Variants in LRP5 observed in about 807,000 individuals in gnomAD.
LRP5 encodes the protein LDL receptor related protein 5.
Under a neutral mutation model 154.1 loss-of-function variants are expected in LRP5, and 62 were observed. The ratio of observed to expected loss-of-function variants is 0.40; its 90% confidence interval spans 0.33 to 0.50. The LOEUF is 0.50. LRP5 is among the 20% of genes least tolerant of loss of function. The pLI, the probability that LRP5 is intolerant of heterozygous loss-of-function variation, is 0.55. For synonymous variants in LRP5, 966 were observed against 1,011.5 expected (o/e 0.96, Z 0.85); for missense variants, 1,915 against 2,336.7 (o/e 0.82, Z 3.72).
At chr11:68,420,946 G>A (rs1325362914) in intron 13 of LRP5, among the ~76,000 whole-genome samples, 1 of 152,176 alleles carries the variant, frequency 6.6e-6, no homozygotes. Context: ...AAGCTCAGGG[G>A]CCGGGCGCGG....
chr11:68,368,746 G>A (rs750090089), intron 5 of LRP5, among the ~76,000 whole-genome samples: 2 of 152,092 alleles, frequency 1.3e-5, no homozygotes, highest in African/African-American at 2.4e-5. Context: ...TGATCGAACC[G>A]TAAGGCTTCC....
intron 7 of LRP5, among the ~76,000 whole-genome samples, chr11:68,399,499 A>G (rs1343169310): frequency 2.0e-5 from 3 of 152,112 alleles, no homozygotes. Flanking sequence ...TCTATCCTTT[A>G]CAAAAAAGTT....
intron 21 of LRP5, chr11:68,445,620 C>T (rs749506407): frequency 6.8e-6 from 9 of 1,318,224 alleles, no homozygotes; most frequent in Non-Finnish European, 9.0e-6. Context: ...TGGAGACCCA[C>T]ATAAGCCCTA....
intron 6 of LRP5, among the ~76,000 whole-genome samples, chr11:68,387,638 C>G (rs2098643776): frequency 6.6e-6 from 1 of 152,214 alleles, no homozygotes; most frequent in Non-Finnish European, 1.5e-5. Flanking sequence ...GTAGGGGAGA[C>G]TTTCTGAGAC....
At chr11:68,348,280 C>CG in intron 2 of LRP5, 37 bp downstream of exon 2, 1 of 1,599,080 alleles carries the variant, frequency 6.3e-7, no homozygotes, top group Non-Finnish European at 8.5e-7. Context: ...GTCCAGGGGG[C>CG]GGGGAGTGTC....
At chr11:68,365,521 G>C (rs770189454) in intron 4 of LRP5, 50 bp from the exon 5 acceptor site, 1 of 1,612,730 alleles carries the variant, frequency 6.2e-7, no homozygotes, top group Admixed American at 1.7e-5. Context: ...TCAGAAACAA[G>C]TGACGGTCCT....
intron 7 of LRP5, among the ~76,000 whole-genome samples, chr11:68,395,295 C>T (rs1211752395): frequency 8.4e-6 from 1 of 119,740 alleles, no homozygotes; most frequent in African/African-American, 3.4e-5. Context: ...AGTGAGACTC[C>T]ATCTCAAAAA....
intron 8 of LRP5, chr11:68,404,455 A>G (rs1468079676): frequency 2.0e-6 from 1 of 496,316 alleles, no homozygotes; most frequent in East Asian, 4.7e-5. Flanking sequence ...CGTCGGGTGG[A>G]TGTGATGTCA....
chr11:68,319,480 G>A (rs1012001190), intron 1 of LRP5, among the ~76,000 whole-genome samples: 33 of 152,264 alleles, frequency 2.2e-4, no homozygotes, highest in African/African-American at 7.2e-4. Context: ...CTCCCAAAGT[G>A]TTGGGATTAC....
At chr11:68,313,693 G>A (rs966559192) in intron 1 of LRP5, among the ~76,000 whole-genome samples, 2 of 152,278 alleles carry the variant, frequency 1.3e-5, no homozygotes, top group Admixed American at 6.5e-5. Flanking sequence ...CTCTTCGGAT[G>A]TGCGTGTTTT....
At chr11:68,306,087 C>T in the LRP5 span, among the ~76,000 whole-genome samples, 1 of 152,178 alleles carries the variant, frequency 6.6e-6, no homozygotes, top group Non-Finnish European at 1.5e-5. Context: ...CTCATCTTCA[C>T]ATGGCCTTTT....
At chr11:68,380,010 G>A (rs2098639422) in intron 5 of LRP5, among the ~76,000 whole-genome samples, 1 of 152,208 alleles carries the variant, frequency 6.6e-6, no homozygotes, top group African/African-American at 2.4e-5. Context: ...GCGGGCACCT[G>A]TAATCCCAGC....
At chr11:68,414,159 C>T (rs2098661226) in intron 12 of LRP5, 147 bp downstream of exon 12, 9 of 792,858 alleles carry the variant, frequency 1.1e-5, no homozygotes, top group Non-Finnish European at 1.9e-5. Flanking sequence ...CTGCATGATG[C>T]TACCTGGGGG....
At chr11:68,393,853 A>G (rs2098647755) in intron 7 of LRP5, among the ~76,000 whole-genome samples, 1 of 152,190 alleles carries the variant, frequency 6.6e-6, no homozygotes, top group Non-Finnish European at 1.5e-5. Flanking sequence ...TGGGTGTCCC[A>G]TGTGGCTTTG....
chr11:68,443,577 ATATATATATTT>A (rs1393121835), intron 21 of LRP5, among the ~76,000 whole-genome samples: 106 of 42,016 alleles, frequency 2.5e-3, no homozygotes, highest in Admixed American at 2.3e-3. Flanking sequence ...ATATATATAT[ATATATATATTT>A]TTTTTTTTTT....
Position 68,439,856 on chromosome 11 carries a change from C to G in LRP5, c.4428C>G (p.Asn1476Lys). The G allele has an allele frequency of 6.2e-7, 1 of 1,607,678 alleles. No homozygotes were observed. Among genetic ancestry groups the G allele is most frequent in the Non-Finnish European group, 8.5e-7 (1 of 1,178,440 alleles). The change falls in exon 21 of 23, where the codon AAC becomes AAG. Residue 1476 changes from asparagine to lysine, a missense_variant. By Grantham distance (94) the Asn-to-Lys change is moderately conservative. Transcript: ENST00000294304. Reference sequence around the variant, plus strand: ...GCGGGGTGCCCCTCTACGACCGGAACCACGTCACAGGGGCCTCGTCCAGCA... The same window carrying G: ...GCGGGGTGCCCCTCTACGACCGGAAGCACGTCACAGGGGCCTCGTCCAGCA... ...GRGGVPLYDR[N>K]HVTGASSSSS... is the part of the protein sequence containing the mutation.
chr11:68,302,857 C>T, the LRP5 span, among the ~76,000 whole-genome samples: 101 of 152,268 alleles, frequency 6.6e-4, no homozygotes, highest in African/African-American at 2.4e-3. Context: ...GGTGTGTTCC[C>T]GGGGACCAGA....
chr11:68,443,568 TATATATA>T (rs1207940107), intron 21 of LRP5, among the ~76,000 whole-genome samples: 15 of 42,020 alleles, frequency 3.6e-4, no homozygotes, highest in African/African-American at 1.4e-3. Context: ...TATATATATA[TATATATA>T]TATATATATA....
intron 1 of LRP5, among the ~76,000 whole-genome samples, chr11:68,320,480 G>T (rs998878685): frequency 7.1e-6 from 1 of 141,260 alleles, no homozygotes; most frequent in Non-Finnish European, 1.5e-5. Flanking sequence ...TTTTGAGACA[G>T]AGTCTCGCTG....
Sources: allele counts gnomAD v4.1 joint callset (sites outside exome capture counted in the v4.1 genomes callset), GRCh38; gene constraint gnomAD v4.1.1; transcripts MANE v1.5; gene names NCBI Gene and HGNC (gene_info 2026-07-23, HGNC 2026-07-21).